The following FANCD2OS variants were observed in gnomAD, a reference collection of about 807,000 sequenced individuals.
The protein encoded by FANCD2OS is FANCD2 opposite strand, also known as FANCD2 opposite strand protein.
A neutral mutation model predicts 13.2 loss-of-function variants in FANCD2OS; 11 were observed. The ratio of observed to expected loss-of-function variants is 0.83; its 90% CI spans 0.52 to 1.38. The LOEUF (loss-of-function observed/expected upper bound fraction) is 1.38, where lower values mean the gene tolerates loss of function less well. Among genes scored for constraint, FANCD2OS ranks in the 40% most tolerant of loss-of-function variants. The pLI is 0.00. For synonymous variants in FANCD2OS, 69 were observed against 84.5 expected (o/e 0.82, Z 1.01); for missense variants, 217 against 213.9 (o/e 1.01, Z -0.09).
At chr3:10,092,121 A>G (rs371097813) in intron 2 of FANCD2OS, 1 of 1,119,210 alleles carries the variant, frequency 8.9e-7, no homozygotes, top group Non-Finnish European at 1.4e-6. Flanking sequence ...CTTAGTGGGA[A>G]TACAGTAAGG....
downstream of FANCD2OS, chr3:10,101,088 A>C: frequency 1.1e-6 from 1 of 897,012 alleles, no homozygotes; most frequent in South Asian, 1.4e-5. Flanking sequence ...AAGTTTTAAC[A>C]GTGATAATAG....
At chr3:10,093,462 A>G (rs1430420462) in intron 2 of FANCD2OS, 2 of 785,110 alleles carry the variant, frequency 2.5e-6, no homozygotes, top group East Asian at 2.5e-5. Context: ...AGGGAAGGCA[A>G]TGGATGCATT....
At chr3:10,103,746 C>T (rs1695390624), downstream of FANCD2OS, among the ~76,000 whole-genome samples, 1 of 152,154 alleles carries the variant, frequency 6.6e-6, no homozygotes. Context: ...CACTTTTGTA[C>T]ACTCTAGTGG....
chr3:10,094,205 T>C, intron 2 of FANCD2OS: 1 of 985,612 alleles, frequency 1.0e-6, no homozygotes. Context: ...AATAAAACCC[T>C]TGGGCTGGAT....
At chr3:10,106,400 A>G (rs1450400347) in intron 1 of FANCD2OS, among the ~76,000 whole-genome samples, 5 of 152,198 alleles carry the variant, frequency 3.3e-5, no homozygotes, top group African/African-American at 7.2e-5. Context: ...GTATATAAGA[A>G]GTTTTACTAA....
At chr3:10,088,521 A>C in intron 2 of FANCD2OS, 2 of 1,607,118 alleles carry the variant, frequency 1.2e-6, no homozygotes, top group South Asian at 2.2e-5. Flanking sequence ...ATCTCTAATG[A>C]CCAGCTCCAT....
intron 2 of FANCD2OS, among the ~76,000 whole-genome samples, chr3:10,089,512 C>T (rs1352989763): frequency 1.3e-5 from 2 of 152,172 alleles, no homozygotes; most frequent in Middle Eastern, 3.4e-3. Flanking sequence ...ACTTGTCACC[C>T]AGGCTGGAGT....
chr3:10,090,229 C>A (rs569719540), intron 2 of FANCD2OS: 1 of 1,246,862 alleles, frequency 8.0e-7, no homozygotes, highest in Non-Finnish European at 1.2e-6. Flanking sequence ...GTTCCTGGTT[C>A]TTCCCAGGTA....
intron 2 of FANCD2OS, among the ~76,000 whole-genome samples, chr3:10,095,929 C>T (rs547584450): frequency 3.7e-4 from 54 of 147,334 alleles, no homozygotes; most frequent in South Asian, 2.1e-4. Flanking sequence ...TAGCCCAGGC[C>T]GGAGTGCAGT....
intron 2 of FANCD2OS, chr3:10,090,263 T>A (rs1187925786): frequency 1.3e-6 from 2 of 1,522,026 alleles, no homozygotes; most frequent in Non-Finnish European, 1.8e-6. Flanking sequence ...CATCATGGTG[T>A]GGGCACGCAT....
chr3:10,100,308 C>G (rs1264730348), downstream of FANCD2OS, among the ~76,000 whole-genome samples: 1 of 152,234 alleles, frequency 6.6e-6, no homozygotes, highest in African/African-American at 2.4e-5. Context: ...AAGCAGATCT[C>G]TCATACTAGT....
Position 10,104,120 on chromosome 3 carries a change from G to C in FANCD2OS, c.*121C>G. ...AGGGGCTCCTGAATCATCACTGCTT[G>C]AAACAAAAGCAAGATGGCTGGGACA... On this transcript the variant is annotated 3_prime_UTR_variant, in exon 2 of 2. Coordinates refer to ENST00000450660, the MANE Select transcript of FANCD2OS (RefSeq NM_001164839.2). 3.1e-6 allele frequency: 3 copies of C among 959,848 alleles called. No homozygotes were observed. Among genetic ancestry groups the C allele is most frequent in the Non-Finnish European group, 4.5e-6 (3 of 662,044 alleles). The allele number at this position is 959,848 out of a possible 1,614,324, so 59.5% of individuals were successfully genotyped here. A position where few individuals can be genotyped will look rare whatever the true frequency, so the allele number is the denominator to read the frequency against.
intron 1 of FANCD2OS, among the ~76,000 whole-genome samples, chr3:10,105,771 AT>A (rs1393923811): frequency 0.014 from 201 of 14,032 alleles, 14 homozygotes; most frequent in African/African-American, 0.097. Flanking sequence ...AAAAAAAAAA[AT>A]TATATATATA....
intron 2 of FANCD2OS, among the ~76,000 whole-genome samples, chr3:10,089,322 A>T (rs1021373454): frequency 6.6e-6 from 1 of 152,014 alleles, no homozygotes; most frequent in East Asian, 1.9e-4. Flanking sequence ...TGTCCAACGT[A>T]TATAGCTTCC....
At chr3:10,101,667 G>A (rs1695307966), downstream of FANCD2OS, 1 of 289,820 alleles carries the variant, frequency 3.5e-6, no homozygotes, top group Non-Finnish European at 6.6e-6. Context: ...ACAGGCATGA[G>A]CCACCGCTCC....
intron 2 of FANCD2OS, chr3:10,088,426 T>C: frequency 6.9e-7 from 1 of 1,448,838 alleles, no homozygotes; most frequent in Non-Finnish European, 9.7e-7. Context: ...TATGTAAGAT[T>C]CCTTTGTCTT....
intron 2 of FANCD2OS, chr3:10,095,283 G>T: frequency 6.2e-7 from 1 of 1,613,268 alleles, no homozygotes; most frequent in South Asian, 1.1e-5. Context: ...AGGTAAGAAG[G>T]GGAGCAGGTT....
chr3:10,103,127 G>C (rs929606242), downstream of FANCD2OS: 6 of 435,860 alleles, frequency 1.4e-5, no homozygotes, highest in Non-Finnish European at 2.7e-5. Flanking sequence ...TAATGGCCGG[G>C]CGCAGTGGCT....
Position 10,104,445 on chromosome 3 carries a change from C to T in FANCD2OS, c.330G>A (p.Gln110=), listed in dbSNP as rs1371790665. The stretch of plus-strand genomic sequence containing the variant: ...TGAAAGTCCCGGTCCACTTTGGTGG[C>T]TGAGCTGTGATAACCCTGCCAAAGA... ...DSVFGRVITA[Q]PPKWTGTFRV... The change falls in exon 2 of 2, where the codon CAG becomes CAA. Residue 110 remains glutamine (Q), a synonymous_variant. Coordinates refer to ENST00000450660, the MANE Select transcript of FANCD2OS (RefSeq NM_001164839.2). 1 of 1,614,050 alleles carries T rather than the reference C, an allele frequency of 6.2e-7. No homozygotes were observed. The highest frequency in any genetic ancestry group is 8.5e-7 in the Non-Finnish European group (1 of 1,180,044).
Sources: allele counts gnomAD v4.1 joint callset (sites outside exome capture counted in the v4.1 genomes callset), GRCh38; gene constraint gnomAD v4.1.1; transcripts MANE v1.5; gene names NCBI Gene and HGNC (gene_info 2026-07-23, HGNC 2026-07-21).